PPP2R5C: variants seen among roughly 807,000 people sequenced by gnomAD.
PPP2R5C encodes the protein serine/threonine-protein phosphatase 2A 56 kDa regulatory subunit gamma isoform.
PPP2R5C carries 7 observed loss-of-function variants against 68.9 expected under a neutral mutation model. The ratio of observed to expected loss-of-function variants is 0.10; its 90% CI spans 0.06 to 0.19. The LOEUF is 0.19. Among genes scored for constraint, PPP2R5C ranks in the 10% least tolerant of loss-of-function variants. PPP2R5C has a pLI of 1.00. For synonymous variants in PPP2R5C, 210 were observed against 222.2 expected, an observed-to-expected ratio of 0.95 and a Z score of 0.49; for missense variants, 348 against 641.3, an observed-to-expected ratio of 0.54 and a Z score of 4.94.
intron 1 of PPP2R5C, among the ~76,000 whole-genome samples, chr14:101,762,511 G>A (rs185718674): frequency 2.0e-5 from 3 of 152,134 alleles, no homozygotes; most frequent in East Asian, 1.9e-4. Context: ...TTGCATTCGG[G>A]GGGGCGGGTA....
At chr14:101,927,002 AT>A (rs2047311442) in exon 14 of PPP2R5C, 1 of 152,212 alleles carries the variant, frequency 6.6e-6, no homozygotes, top group Non-Finnish European at 1.5e-5. Flanking sequence ...GAAAACTATC[AT>A]TAAAAAAAAC....
chr14:101,831,203 A>G (rs1185634654), intron 1 of PPP2R5C, among the ~76,000 whole-genome samples: 2 of 152,240 alleles, frequency 1.3e-5, no homozygotes, highest in Non-Finnish European at 2.9e-5. Context: ...TTGTTTTACC[A>G]TAAATGAAAT....
At chr14:101,870,935 T>C (rs2043370649) in intron 2 of PPP2R5C, among the ~76,000 whole-genome samples, 1 of 152,252 alleles carries the variant, frequency 6.6e-6, no homozygotes, top group Admixed American at 6.5e-5. Context: ...GTTGTAATTA[T>C]ATCAGGTTTT....
At chr14:101,763,231 T>G (rs558410591) in intron 2 of PPP2R5C, among the ~76,000 whole-genome samples, 21 of 152,142 alleles carry the variant, frequency 1.4e-4, no homozygotes, top group African/African-American at 5.1e-4. Flanking sequence ...TTGTTTTTTA[T>G]TTTTTTGAGA....
At chr14:101,776,565 C>T (rs185188530) in intron 2 of PPP2R5C, among the ~76,000 whole-genome samples, 70 of 152,256 alleles carry the variant, frequency 4.6e-4, no homozygotes, top group African/African-American at 1.5e-3. Flanking sequence ...TCCCTGTCTT[C>T]GTGGGGCCCT....
chr14:101,890,695 G>C (rs2044814514), intron 6 of PPP2R5C, among the ~76,000 whole-genome samples: 1 of 143,816 alleles, frequency 7.0e-6, no homozygotes, highest in Non-Finnish European at 1.5e-5. Context: ...TTTTTTATAT[G>C]TATATTTATA....
upstream of PPP2R5C, among the ~76,000 whole-genome samples, chr14:101,761,118 T>C (rs2139894507): frequency 6.7e-6 from 1 of 149,074 alleles, no homozygotes; most frequent in East Asian, 2.1e-4. Context: ...GGCCCAGCGG[T>C]GTCCCGCGAA....
In PPP2R5C at chr14:101,856,628, A is replaced by G; in HGVS notation, c.95-58A>G. ...ATAGAAGAAAGCTTAAATGTGTTTC[A>G]CAATAACTTTGGGTTAAGCACTTTT... On this transcript the variant is annotated intron_variant, in intron 1 of 13. Transcript: ENST00000334743. 2.1e-6 allele frequency: 3 copies of G among 1,445,114 alleles called. No homozygotes were observed. The Admixed American group carries it at 5.2e-5, about 25-fold the overall frequency. 89.5% of individuals were successfully genotyped at this position (1,445,114 alleles called of 1,614,324 possible). A position where few individuals can be genotyped will look rare whatever the true frequency, so the allele number is the denominator to read the frequency against.
At position 101,781,725 on chromosome 14, in the gene PPP2R5C, C is replaced by T. The variant is rs562754232; in HGVS notation, c.94-4293C>T. Among the ~76,000 whole-genome samples the T allele has an allele frequency of 2.0e-3, 301 of 152,174 alleles. 2 individuals are homozygous for T. Among genetic ancestry groups the T allele is most frequent in the African/African-American group, 7.1e-3 (296 of 41,522 alleles). On this transcript the variant is annotated intron_variant, in intron 2 of 14. Transcript: ENST00000328724. The surrounding 1 kb of genome is among the most constrained non-coding windows in gnomAD (Gnocchi z 6.4). ...GCCCGGAGGAGGGGAGCCGGCCACC[C>T]GGGGAAGAAGCGGAGGACGCCGATC...
In PPP2R5C at chr14:101,917,376, G is replaced by C. The variant is rs2046734758; in HGVS notation, c.1327-455G>C. Reference sequence around the variant, plus strand: ...AAGGGGAGAGAGAACCGTGCCAGCTGTCTCGATGAGAGGACATGATCGTGA... The same window carrying C: ...AAGGGGAGAGAGAACCGTGCCAGCTCTCTCGATGAGAGGACATGATCGTGA... On this transcript the variant is annotated intron_variant, in intron 12 of 13. Coordinates refer to ENST00000334743, the Ensembl canonical transcript of PPP2R5C. The surrounding 1 kb of genome is among the most constrained non-coding windows in gnomAD (Gnocchi z 4.4). 6.6e-6 allele frequency among the ~76,000 whole-genome samples: 1 copy of C among 152,174 alleles called. No individual in the cohort carries two copies. The highest frequency in any genetic ancestry group is 2.1e-4 in the South Asian group (1 of 4,828).
At chr14:101,851,655 G>A (rs1033232746) in intron 1 of PPP2R5C, among the ~76,000 whole-genome samples, 16 of 151,898 alleles carry the variant, frequency 1.1e-4, no homozygotes, top group Admixed American at 3.9e-4. Flanking sequence ...TTGCTCCATC[G>A]GGGTAATGCT....
chr14:101,911,159 T>C (rs1201166764), intron 11 of PPP2R5C, among the ~76,000 whole-genome samples: 1 of 146,944 alleles, frequency 6.8e-6, no homozygotes, highest in Non-Finnish European at 1.5e-5. Context: ...GTGCCTGTAG[T>C]CCCAGCTACT....
intron 3 of PPP2R5C, among the ~76,000 whole-genome samples, chr14:101,793,469 C>T (rs2038459841): frequency 2.0e-5 from 3 of 152,308 alleles, no homozygotes; most frequent in East Asian, 1.9e-4. Flanking sequence ...CCAGCAAGGG[C>T]GATCTCCACT....
At chr14:101,806,341 T>C (rs762672749), upstream of PPP2R5C, among the ~76,000 whole-genome samples, 4 of 151,688 alleles carry the variant, frequency 2.6e-5, no homozygotes, top group Non-Finnish European at 4.4e-5. Flanking sequence ...CTCCCACTTC[T>C]CAGTGAAATC....
At chr14:101,840,627 GC>G (rs1001195561) in intron 1 of PPP2R5C, among the ~76,000 whole-genome samples, 3 of 151,734 alleles carry the variant, frequency 2.0e-5, no homozygotes, top group Non-Finnish European at 4.4e-5. Context: ...AAACAGATTG[GC>G]CCCCCCATGA....
At chr14:101,821,083 A>T (rs1183441276) in intron 1 of PPP2R5C, 1 of 142,000 alleles carries the variant, frequency 7.0e-6, no homozygotes, top group East Asian at 2.0e-4. Context: ...TCTTTTCTCT[A>T]AAAAAAAAAA....
In PPP2R5C at chr14:101,840,181, A is replaced by G. The variant is rs147177270; in HGVS notation, c.95-16505A>G. Among the ~76,000 whole-genome samples, 431 of 152,224 alleles carry G rather than the reference A, an allele frequency of 2.8e-3. 2 individuals are homozygous for G. The highest frequency in any genetic ancestry group is 0.01 in the African/African-American group (425 of 41,526). ...TTTTCCTGGATTAAAAAACATACAT[A>G]TCACATTATTCTTTTCTCTGTTCCT... On this transcript the variant is annotated intron_variant, in intron 1 of 13. Transcript: ENST00000334743.
intron 2 of PPP2R5C, among the ~76,000 whole-genome samples, chr14:101,881,157 G>A (rs746981543): frequency 6.6e-6 from 1 of 152,174 alleles, no homozygotes; most frequent in Non-Finnish European, 1.5e-5. Context: ...GGGAGGCTGA[G>A]GGGAGCGGAT....
At chr14:101,845,387 C>T (rs1249921798) in intron 1 of PPP2R5C, among the ~76,000 whole-genome samples, 1 of 152,074 alleles carries the variant, frequency 6.6e-6, no homozygotes, top group Non-Finnish European at 1.5e-5. Context: ...AGAGCTTTTC[C>T]GAGGAAAGCA....
Sources: allele counts gnomAD v4.1 joint callset (sites outside exome capture counted in the v4.1 genomes callset), GRCh38; gene constraint gnomAD v4.1.1; non-coding constraint Gnocchi (gnomAD v3.1); transcripts MANE v1.5; gene names NCBI Gene and HGNC (gene_info 2026-07-23, HGNC 2026-07-21).